Variants in AATF observed in about 807,000 individuals in gnomAD.
AATF encodes the protein apoptosis antagonizing transcription factor, also known as protein AATF.
A neutral mutation model predicts 63.7 loss-of-function variants in AATF; 48 were observed. The ratio of observed to expected loss-of-function variants is 0.75; its 90% CI spans 0.60 to 0.96. AATF has a LOEUF of 0.96. Among genes scored for constraint, AATF ranks in the 40% least tolerant of loss-of-function variants. The probability of loss-of-function intolerance (pLI) is 0.00; values close to 1 mark genes in which losing one functional copy is unlikely to be tolerated. For synonymous variants in AATF, 258 were observed against 247.7 expected, an observed-to-expected ratio of 1.04 and a Z score of -0.39; for missense variants, 639 against 685.7, an observed-to-expected ratio of 0.93 and a Z score of 0.76.
chr17:37,003,656 G>A (rs2071319631), intron 8 of AATF, among the ~76,000 whole-genome samples: 1 of 151,140 alleles, frequency 6.6e-6, no homozygotes, highest in African/African-American at 2.4e-5. Flanking sequence ...TAGTAGAGAT[G>A]GGGTTTTGCC....
intron 8 of AATF, among the ~76,000 whole-genome samples, chr17:37,014,388 A>T (rs1263947442): frequency 1.3e-5 from 2 of 152,080 alleles, no homozygotes; most frequent in Non-Finnish European, 2.9e-5. Flanking sequence ...TGCTCTTGCT[A>T]TTGAGACGTC....
At position 37,042,846 on chromosome 17, in the gene AATF, A is replaced by T. The variant is rs183752981; in HGVS notation, c.1619+11161A>T. On this transcript the variant is annotated intron_variant, in intron 11 of 11. Coordinates refer to ENST00000619387, the MANE Select transcript of AATF (RefSeq NM_012138.4). Reference sequence around the variant, plus strand: ...AAGCTCCTCCTCCCGGGTTCACGCCATTCTTCTGCCTCAGCTTCCCGAGTA... The same window carrying T: ...AAGCTCCTCCTCCCGGGTTCACGCCTTTCTTCTGCCTCAGCTTCCCGAGTA... 2.2e-3 allele frequency among the ~76,000 whole-genome samples: 327 copies of T among 145,688 alleles called. 2 individuals carry two copies. The highest frequency in any genetic ancestry group is 8.1e-3 in the African/African-American group (315 of 38,764).
intron 8 of AATF, among the ~76,000 whole-genome samples, chr17:37,006,890 CA>C (rs1191262069): frequency 1.3e-5 from 2 of 152,194 alleles, no homozygotes; most frequent in African/African-American, 4.8e-5. Flanking sequence ...TGCTGCAACG[CA>C]GAATCAAAAA....
chr17:37,013,751 G>A (rs1245003874), intron 8 of AATF, among the ~76,000 whole-genome samples: 10 of 152,060 alleles, frequency 6.6e-5, no homozygotes, highest in African/African-American at 1.9e-4. Flanking sequence ...AGGAACAAGC[G>A]CTATATTATG....
chr17:36,980,836 C>G (rs1355791975), intron 4 of AATF, among the ~76,000 whole-genome samples: 1 of 150,914 alleles, frequency 6.6e-6, no homozygotes, highest in East Asian at 1.9e-4. Flanking sequence ...GAATTGTGTT[C>G]TAAATCTCTT....
chr17:37,056,642 C>T lies in AATF; in HGVS notation c.1661C>T (p.Pro554Leu), dbSNP rs941507028. 1 of 1,614,216 alleles carries T rather than the reference C, an allele frequency of 6.2e-7. No homozygotes were observed. Among genetic ancestry groups the T allele is most frequent in the Non-Finnish European group, 8.5e-7 (1 of 1,180,040 alleles). ...YRSLFGQLHP[P>L]DEGHGD ...TCTCTTTTTGGCCAGCTCCACCCTC[C>T]CGACGAAGGCCACGGGGATTGACAT... Residue 554 changes from proline to leucine, a missense_variant, in exon 12 of 12, where the codon CCC becomes CTC. Transcript: ENST00000619387.
At chr17:37,039,788 G>T (rs2071622540) in intron 11 of AATF, among the ~76,000 whole-genome samples, 2 of 152,142 alleles carry the variant, frequency 1.3e-5, no homozygotes, top group South Asian at 4.1e-4. Flanking sequence ...CACTGCTGTT[G>T]TTTCTTCTAT....
chr17:37,045,851 C>G (rs1241141895), intron 11 of AATF: 1 of 152,236 alleles, frequency 6.6e-6, no homozygotes, highest in African/African-American at 2.4e-5. Context: ...TGCAGGCCCC[C>G]TGTTGCAGGC....
intron 11 of AATF, among the ~76,000 whole-genome samples, chr17:37,041,804 C>A (rs369484959): frequency 6.6e-6 from 1 of 152,234 alleles, no homozygotes; most frequent in East Asian, 1.9e-4. Context: ...CACACCCGGC[C>A]GGGAGAGCCA....
chr17:37,003,537 G>T (rs1358095071), intron 8 of AATF, among the ~76,000 whole-genome samples: 1 of 148,914 alleles, frequency 6.7e-6, no homozygotes, highest in Non-Finnish European at 1.5e-5. Context: ...GTGCAGTGGG[G>T]CTCACTGAAA....
At chr17:36,965,517 A>G (rs2070984497) in intron 4 of AATF, among the ~76,000 whole-genome samples, 1 of 152,186 alleles carries the variant, frequency 6.6e-6, no homozygotes, top group Non-Finnish European at 1.5e-5. Flanking sequence ...ACAAAGCCAC[A>G]TTCACATGTC....
intron 10 of AATF, among the ~76,000 whole-genome samples, chr17:37,029,183 C>T (rs891755712): frequency 1.3e-5 from 2 of 152,242 alleles, no homozygotes; most frequent in East Asian, 1.9e-4. Flanking sequence ...CTCAGCCTCC[C>T]GAGTAGCTGG....
At chr17:36,960,055 C>T (rs565290847) in intron 4 of AATF, among the ~76,000 whole-genome samples, 96 of 151,924 alleles carry the variant, frequency 6.3e-4, no homozygotes, top group Non-Finnish European at 1.1e-3. Context: ...GCTCTGTCGC[C>T]GAGGCTGGAG....
At chr17:36,957,822 A>G (rs1239971948) in intron 4 of AATF, among the ~76,000 whole-genome samples, 1 of 152,118 alleles carries the variant, frequency 6.6e-6, no homozygotes, top group Non-Finnish European at 1.5e-5. Context: ...AACCCTAACT[A>G]TTGCCTCTAA....
Position 37,056,669 on chromosome 17 carries a change from GCCCA to G in AATF, c.*8_*11del. 6.2e-7 allele frequency: 1 copy of G among 1,614,106 alleles called. No homozygotes were observed. The highest frequency in any genetic ancestry group is 8.5e-7 in the Non-Finnish European group (1 of 1,179,998). ...GACGAAGGCCACGGGGATTGACATC[GCCCA>G]CCTCCGACACCCAGTGGGCGCCTTG... On this transcript the variant is annotated 3_prime_UTR_variant, in exon 12 of 12. Transcript: ENST00000619387.
chr17:36,963,417 T>G (rs2070964749), intron 4 of AATF, among the ~76,000 whole-genome samples: 1 of 152,220 alleles, frequency 6.6e-6, no homozygotes, highest in Non-Finnish European at 1.5e-5. Flanking sequence ...AAAGACTGGC[T>G]GTGTTGAACT....
intron 5 of AATF, among the ~76,000 whole-genome samples, 189 bp downstream of exon 5, chr17:36,986,920 A>C (rs2071173271): frequency 1.3e-5 from 2 of 152,156 alleles, no homozygotes; most frequent in African/African-American, 4.8e-5. Context: ...ATTTAGTTGT[A>C]CCTGATGTGC....
chr17:36,989,111 C>A, intron 6 of AATF, 136 bp from the exon 7 acceptor site: 1 of 1,019,754 alleles, frequency 9.8e-7, no homozygotes, highest in Non-Finnish European at 1.4e-6. Context: ...CTCACAAACT[C>A]AGTCCTTTAC....
intron 4 of AATF, among the ~76,000 whole-genome samples, chr17:36,980,898 CTT>C (rs1234706804): frequency 3.7e-4 from 49 of 132,850 alleles, no homozygotes; most frequent in Middle Eastern, 4.0e-3. Context: ...CTTTGATAAA[CTT>C]TTTTTTTTTT....
Sources: allele counts gnomAD v4.1 joint callset (sites outside exome capture counted in the v4.1 genomes callset), GRCh38; gene constraint gnomAD v4.1.1; transcripts MANE v1.5; gene names NCBI Gene and HGNC (gene_info 2026-07-23, HGNC 2026-07-21).